GREB1: variants seen among roughly 807,000 people sequenced by gnomAD.
GREB1 encodes the protein protein GREB1.
A neutral mutation model predicts 200.7 loss-of-function variants in GREB1; 106 were observed. That is an observed-to-expected ratio of 0.53 (90% confidence interval 0.45 to 0.62). The LOEUF is 0.62. Ranked by LOEUF, GREB1 falls within the 20% of genes least tolerant of loss-of-function variation. The pLI, the probability that GREB1 is intolerant of heterozygous loss-of-function variation, is 0.00. For missense variants in GREB1, 2,243 were observed against 2,556.8 expected, an observed-to-expected ratio of 0.88 and a Z score of 2.65; for synonymous variants, 1,132 against 1,092.4, an observed-to-expected ratio of 1.04 and a Z score of -0.72.
At chr2:11,516,428 A>G (rs1248007709) in intron 1 of GREB1, among the ~76,000 whole-genome samples, 3 of 151,894 alleles carry the variant, frequency 2.0e-5, no homozygotes, top group Admixed American at 2.0e-4. Context: ...GACTTCTCCC[A>G]GGTCTCCACA....
chr2:11,539,359 G>A (rs1342576364), intron 1 of GREB1, among the ~76,000 whole-genome samples: 1 of 152,162 alleles, frequency 6.6e-6, no homozygotes, highest in African/African-American at 2.4e-5. Context: ...CCAATAGCTG[G>A]TGTTTTCTTG....
chr2:11,488,065 G>C (rs186318055), intron 1 of GREB1, among the ~76,000 whole-genome samples: 30 of 152,336 alleles, frequency 2.0e-4, no homozygotes, highest in Non-Finnish European at 2.9e-4. Flanking sequence ...CTTTGACGTT[G>C]ACTTTACTGA....
At chr2:11,578,059 A>C (rs1377437484) in intron 5 of GREB1, among the ~76,000 whole-genome samples, 1 of 152,104 alleles carries the variant, frequency 6.6e-6, no homozygotes, top group Non-Finnish European at 1.5e-5. Flanking sequence ...TTTCTTCTAA[A>C]TACTCACCAT....
chr2:11,491,876 TG>T (rs1672780694), intron 1 of GREB1, among the ~76,000 whole-genome samples: 1 of 152,188 alleles, frequency 6.6e-6, no homozygotes, highest in Non-Finnish European at 1.5e-5. Context: ...TTCTAATGCT[TG>T]GTTCTCTGTG....
rs1302348668 is a variant in GREB1, at chr2:11,640,257, T to G, written c.5687-34T>G. The G allele has an allele frequency of 1.3e-6, 2 of 1,588,052 alleles. No homozygotes were observed. Among genetic ancestry groups the G allele is most frequent in the Non-Finnish European group, 1.7e-6 (2 of 1,166,708 alleles). ...GCTTTCCTCTGGATAAACTCACCTTTTCCCTTCCCACACCTCTGCCGTTGT... is the reference window on the plus strand; with the variant it reads ...GCTTTCCTCTGGATAAACTCACCTTGTCCCTTCCCACACCTCTGCCGTTGT... On this transcript the variant is annotated intron_variant, in intron 32 of 32. Transcript: ENST00000381486. The surrounding 1 kb of genome is among the most constrained non-coding windows in gnomAD (Gnocchi z 4.6).
In GREB1 at chr2:11,632,882, A is replaced by C. The variant is rs765566296; in HGVS notation, c.4817-7A>C. The C allele has an allele frequency of 4.3e-6, 7 of 1,612,900 alleles. No individual in the cohort carries two copies. The Admixed American group carries it at 8.4e-5, about 19-fold the overall frequency. ...AGTCCTGAGTCCAGGTGCTTTGCCC[A>C]CTGCAGGTGCTGCTCATTTCCTCAT... is the stretch of plus-strand genomic sequence containing the variant. On this transcript the variant is annotated splice_polypyrimidine_tract_variant and splice_region_variant and intron_variant, in intron 27 of 32. Coordinates refer to ENST00000381486, the MANE Select transcript of GREB1 (RefSeq NM_014668.4).
At chr2:11,635,196 C>G in intron 29 of GREB1, 74 bp from the exon 30 acceptor site, 4 of 1,580,362 alleles carry the variant, frequency 2.5e-6, no homozygotes, top group Admixed American at 1.7e-5. Context: ...GACCCACACT[C>G]TAGGTGCTGG....
intron 4 of GREB1, 148 bp from the exon 5 acceptor site, chr2:11,576,205 G>A (rs1403344943): frequency 1.5e-6 from 1 of 649,764 alleles, no homozygotes; most frequent in African/African-American, 1.8e-5. Flanking sequence ...TATTCAGGAG[G>A]CTGAAGCAGG....
rs1680030218 is a variant in GREB1, at chr2:11,585,851, T to C, written c.1105T>C (p.Ser369Pro). The change falls in exon 9 of 33, where the codon TCT (serine) becomes CCT (proline). Residue 369 changes from serine to proline, a missense_variant. Physicochemically the swap from Ser to Pro is moderately conservative, Grantham distance 74. This residue lies in a region of GREB1 where 1,178 missense variants were observed against 1,387.4 expected (regional missense o/e 0.85). Transcript: ENST00000381486. ...AGTGGTGGCCTCTGGAGAACCAGTGTCTGTTCCTGACAACTTGCTGAAAAT... is the reference window on the plus strand; with the variant it reads ...AGTGGTGGCCTCTGGAGAACCAGTGCCTGTTCCTGACAACTTGCTGAAAAT... ...FPVVASGEPV[S>P]VPDNLLKICK... 1 of 1,613,850 alleles carries C rather than the reference T, an allele frequency of 6.2e-7. No homozygotes were observed. Among genetic ancestry groups the C allele is most frequent in the Non-Finnish European group, 8.5e-7 (1 of 1,180,024 alleles).
At chr2:11,503,616 A>G (rs994326745) in intron 1 of GREB1, among the ~76,000 whole-genome samples, 3 of 152,186 alleles carry the variant, frequency 2.0e-5, no homozygotes, top group Admixed American at 2.0e-4. Flanking sequence ...ACTAATTTAC[A>G]TGTCCAGTGG....
At chr2:11,566,442 G>T (rs1677661074) in intron 3 of GREB1, 38 bp from the exon 4 acceptor site, 1 of 1,560,080 alleles carries the variant, frequency 6.4e-7, no homozygotes, top group Non-Finnish European at 8.7e-7. Context: ...CTTCTGGGAA[G>T]CCCTGGGCAG....
Position 11,629,460 on chromosome 2 carries a change from A to G in GREB1, c.4450-488A>G, listed in dbSNP as rs1684713284. On this transcript the variant is annotated intron_variant, in intron 25 of 32. Transcript: ENST00000381486. This position sits in a 1 kb window ranked among gnomAD's most constrained non-coding sequence, Gnocchi z 5.2. ...GGGGATGATGACAGTACTGCTTTGT[A>G]GGATTGTTAATCGCAGCACACAGGA... Among the ~76,000 whole-genome samples the G allele has an allele frequency of 6.6e-6, 1 of 152,184 alleles. No homozygotes were observed. Among genetic ancestry groups the G allele is most frequent in the African/African-American group, 2.4e-5 (1 of 41,430 alleles).
rs757704997 is a variant in GREB1, at chr2:11,610,696, G to T, written c.2675G>T (p.Arg892Leu). Residue 892 changes from arginine to leucine, a missense_variant, in exon 18 of 33, where the codon CGC (arginine) becomes CTC (leucine). Coordinates refer to ENST00000381486, the MANE Select transcript of GREB1 (RefSeq NM_014668.4). ...CTCTGTGTTCCTTGCAGGTTCCCCC[G>T]CCTGCACAGCGCGGTGATCAGGACC... is the stretch of plus-strand genomic sequence containing the variant. Reference protein sequence around the residue: ...MVTALGKRFPRLHSAVIRTFV... With the variant: ...MVTALGKRFPLLHSAVIRTFV... The T allele has an allele frequency of 1.2e-6, 2 of 1,610,364 alleles. No homozygotes were observed. The highest frequency in any genetic ancestry group is 2.7e-5 in the African/African-American group (2 of 74,894).
intron 17 of GREB1, among the ~76,000 whole-genome samples, chr2:11,609,979 T>C (rs1452422393): frequency 6.6e-6 from 1 of 152,192 alleles, no homozygotes; most frequent in Non-Finnish European, 1.5e-5. Context: ...AACACCATCA[T>C]CTACAGGGAC....
chr2:11,608,346 T>A (rs550470829), intron 17 of GREB1, among the ~76,000 whole-genome samples: 1 of 152,350 alleles, frequency 6.6e-6, no homozygotes, highest in South Asian at 2.1e-4. Context: ...GTCTGCAAAT[T>A]CTGTCATCTG....
In GREB1 at chr2:11,514,339, C is replaced by A. The variant is rs569417853; in HGVS notation, c.-159+31958C>A. Among the ~76,000 whole-genome samples, 6 of 15,286 alleles carry A rather than the reference C, an allele frequency of 3.9e-4. No homozygotes were observed. In the East Asian group the frequency reaches 0.023, roughly 60 times the overall value. 10.0% of individuals were successfully genotyped at this position (15,286 alleles called of 152,430 possible). On this transcript the variant is annotated intron_variant, in intron 1 of 2. Coordinates refer to the GREB1 transcript ENST00000628795. ...AGAGTCAGAGAAAATCAGTTATGTTCCAAGTTTGCTATTGCATTGTTGAAC... is the reference window on the plus strand; with the variant it reads ...AGAGTCAGAGAAAATCAGTTATGTTACAAGTTTGCTATTGCATTGTTGAAC...
intron 1 of GREB1, among the ~76,000 whole-genome samples, chr2:11,542,246 A>G (rs927380753): frequency 6.6e-6 from 1 of 152,160 alleles, no homozygotes; most frequent in African/African-American, 2.4e-5. Context: ...TGCTTCTCAC[A>G]GGGCAGGCAT....
At chr2:11,619,899 G>T (rs558311245) in intron 22 of GREB1, among the ~76,000 whole-genome samples, 1 of 152,278 alleles carries the variant, frequency 6.6e-6, no homozygotes, top group East Asian at 1.9e-4. Flanking sequence ...CCATTCATTG[G>T]CATTTACTGA....
chr2:11,638,327 G>A (rs970047491), intron 31 of GREB1, among the ~76,000 whole-genome samples: 1 of 152,098 alleles, frequency 6.6e-6, no homozygotes. Flanking sequence ...TTTTAGTAGA[G>A]ACAGGGTTTC....
Sources: gnomAD v4.1 joint callset for allele counts (sites outside exome capture counted in the v4.1 genomes callset) on GRCh38, gnomAD v4.1.1 for gene constraint, gnomAD v4.1.1 regional missense constraint, Gnocchi (gnomAD v3.1) non-coding constraint, MANE v1.5 for transcripts, NCBI Gene and HGNC (gene_info 2026-07-23, HGNC 2026-07-21) for gene names.